CPNE4: variants seen among roughly 807,000 people sequenced by gnomAD.
CPNE4 encodes copine 4, also known as copine-4.
A neutral mutation model predicts 67.9 loss-of-function variants in CPNE4; 25 were observed. The ratio of observed to expected loss-of-function variants is 0.37; its 90% CI spans 0.27 to 0.51. The LOEUF is 0.51. Among genes scored for constraint, CPNE4 ranks in the 20% least tolerant of loss-of-function variants. CPNE4 has a pLI of 0.93. For synonymous variants in CPNE4, 242 were observed against 244.9 expected (o/e 0.99, Z 0.11); for missense variants, 464 against 690.8 (o/e 0.67, Z 3.68).
chr3:131,736,611 C>CAAA (rs71136406), intron 2 of CPNE4, among the ~76,000 whole-genome samples: 3 of 82,116 alleles, frequency 3.7e-5, no homozygotes, highest in Non-Finnish European at 6.9e-5. Flanking sequence ...AAGACTGTCT[C>CAAA]AAAAAAAAAA....
chr3:131,665,718 G>T (rs530416631), intron 7 of CPNE4, among the ~76,000 whole-genome samples: 1 of 151,986 alleles, frequency 6.6e-6, no homozygotes, highest in East Asian at 1.9e-4. Flanking sequence ...AAGAAAAAAA[G>T]TTAATGGGAA....
chr3:132,029,857 G>C (rs895888583), intron 1 of CPNE4, among the ~76,000 whole-genome samples: 16 of 151,304 alleles, frequency 1.1e-4, no homozygotes, highest in African/African-American at 3.6e-4. Context: ...GGATTCCCCT[G>C]TGTGTTCCTG....
At chr3:131,982,054 T>C (rs2072922288) in intron 1 of CPNE4, among the ~76,000 whole-genome samples, 1 of 152,276 alleles carries the variant, frequency 6.6e-6, no homozygotes, top group Middle Eastern at 3.4e-3. Flanking sequence ...CGCACACTGC[T>C]CTGTCCAGAG....
chr3:131,826,365 A>G (rs1429066998), intron 2 of CPNE4, among the ~76,000 whole-genome samples: 3 of 152,006 alleles, frequency 2.0e-5, no homozygotes, highest in African/African-American at 7.2e-5. Flanking sequence ...TTAATTAAAA[A>G]AAAAATTTTC....
chr3:131,906,636 T>G (rs2107779228), intron 1 of CPNE4, among the ~76,000 whole-genome samples: 1 of 152,168 alleles, frequency 6.6e-6, no homozygotes, highest in Non-Finnish European at 1.5e-5. Context: ...CCACATTTTC[T>G]TAATCCAGTC....
intron 9 of CPNE4, among the ~76,000 whole-genome samples, chr3:131,577,670 G>A (rs1311658200): frequency 6.6e-6 from 1 of 152,134 alleles, no homozygotes; most frequent in Non-Finnish European, 1.5e-5. Flanking sequence ...TGCTCTGAGT[G>A]AGTCAGTGAG....
intron 1 of CPNE4, among the ~76,000 whole-genome samples, chr3:131,907,910 C>T (rs1474974793): frequency 6.6e-6 from 1 of 152,096 alleles, no homozygotes; most frequent in African/African-American, 2.4e-5. Flanking sequence ...GAGAACTGCT[C>T]TATCTTCTAC....
intron 2 of CPNE4, among the ~76,000 whole-genome samples, chr3:131,847,167 G>T (rs1390855584): frequency 6.6e-6 from 1 of 152,086 alleles, no homozygotes; most frequent in Non-Finnish European, 1.5e-5. Context: ...GCAGATTCTG[G>T]TCTCCTAAGG....
intron 2 of CPNE4, among the ~76,000 whole-genome samples, chr3:131,753,564 T>G (rs2082681960): frequency 6.6e-6 from 1 of 152,048 alleles, no homozygotes; most frequent in African/African-American, 2.4e-5. Flanking sequence ...TATAATAAAA[T>G]GTTGAAAATT....
intron 1 of CPNE4, among the ~76,000 whole-genome samples, chr3:131,919,605 G>C (rs970633942): frequency 2.0e-5 from 3 of 152,112 alleles, no homozygotes; most frequent in African/African-American, 7.2e-5. Context: ...TGATTTAGGA[G>C]GGTTTGCTTT....
chr3:132,039,601 A>G (rs942050279), upstream of CPNE4: 12 of 152,230 alleles, frequency 7.9e-5, no homozygotes, highest in African/African-American at 2.7e-4. Context: ...GTTGAGGACT[A>G]GACTCTGGAT....
At chr3:132,024,240 C>T (rs931251785) in intron 1 of CPNE4, among the ~76,000 whole-genome samples, 4 of 151,950 alleles carry the variant, frequency 2.6e-5, no homozygotes, top group East Asian at 1.9e-4. Flanking sequence ...CACACCACCA[C>T]GCCGGGCTAA....
intron 8 of CPNE4, among the ~76,000 whole-genome samples, chr3:131,583,515 T>G (rs1937976430): frequency 6.6e-6 from 1 of 152,204 alleles, no homozygotes; most frequent in Non-Finnish European, 1.5e-5. Context: ...TAATCTCAAT[T>G]TCTTCTATCA....
intron 2 of CPNE4, among the ~76,000 whole-genome samples, chr3:131,812,117 CCTAA>C (rs1447888421): frequency 2.0e-5 from 3 of 151,604 alleles, no homozygotes. Flanking sequence ...TACCCTATAC[CCTAA>C]CTTTTAGTCA....
intron 1 of CPNE4, among the ~76,000 whole-genome samples, chr3:131,928,593 T>A (rs1334336040): frequency 6.6e-6 from 1 of 152,134 alleles, no homozygotes; most frequent in Non-Finnish European, 1.5e-5. Context: ...CAACTCTACC[T>A]CCAGACCTGA....
At chr3:131,583,659 G>A (rs77180089) in intron 8 of CPNE4, among the ~76,000 whole-genome samples, 5,509 of 152,272 alleles carry the variant, frequency 0.036, 295 homozygotes, top group African/African-American at 0.12. Context: ...GGGCTCCAAG[G>A]AAGTTGAATC....
chr3:131,928,837 G>C (rs565054172), intron 1 of CPNE4, among the ~76,000 whole-genome samples: 1 of 152,128 alleles, frequency 6.6e-6, no homozygotes, highest in Non-Finnish European at 1.5e-5. Flanking sequence ...CACCTTTGTC[G>C]GGACATGAAA....
intron 11 of CPNE4, among the ~76,000 whole-genome samples, chr3:131,558,112 C>T (rs1043918849): frequency 2.0e-5 from 3 of 151,802 alleles, no homozygotes; most frequent in East Asian, 1.9e-4. Flanking sequence ...AATCGAGTTT[C>T]AAGAGTAGGA....
chr3:132,027,093 A>G (rs2074130091), intron 1 of CPNE4, among the ~76,000 whole-genome samples: 1 of 152,220 alleles, frequency 6.6e-6, no homozygotes, highest in Admixed American at 6.5e-5. Flanking sequence ...CATTCAGTCA[A>G]CCAAAAGTTT....
Sources: gnomAD v4.1 joint callset for allele counts (sites outside exome capture counted in the v4.1 genomes callset) on GRCh38, gnomAD v4.1.1 for gene constraint, MANE v1.5 for transcripts, NCBI Gene and HGNC (gene_info 2026-07-23, HGNC 2026-07-21) for gene names.